Variants in DACH2 observed in about 807,000 individuals in gnomAD.
The protein encoded by DACH2 is dachshund homolog 2.
DACH2 carries 17 observed loss-of-function variants against 35.8 expected under a neutral mutation model. The observed-to-expected ratio is 0.48, with a 90% CI of 0.33 to 0.71. The LOEUF (loss-of-function observed/expected upper bound fraction) is 0.71, where lower values mean the gene tolerates loss of function less well. DACH2 is among the 30% of genes least tolerant of loss of function. The pLI, the probability that DACH2 is intolerant of heterozygous loss-of-function variation, is 0.02. For missense variants in DACH2, 469 were observed against 472.7 expected, an observed-to-expected ratio of 0.99 and a Z score of 0.07; for synonymous variants, 195 against 177.3, an observed-to-expected ratio of 1.10 and a Z score of -0.79.
chrX:86,645,077 A>G (rs2040398694), intron 3 of DACH2, among the ~76,000 whole-genome samples: 1 of 111,422 alleles, frequency 9.0e-6, no homozygotes, highest in African/African-American at 3.3e-5. Flanking sequence ...AGATCTAATT[A>G]AACTTCAAAG....
intron 2 of DACH2, among the ~76,000 whole-genome samples, chrX:86,464,784 T>C (rs1468753668): frequency 8.9e-6 from 1 of 112,076 alleles, no homozygotes; most frequent in East Asian, 2.8e-4. Context: ...AACTTTCAGC[T>C]GCTAAAAACA....
intron 2 of DACH2, among the ~76,000 whole-genome samples, chrX:86,427,522 G>A (rs1043517716): frequency 3.6e-5 from 4 of 110,783 alleles, no homozygotes; most frequent in Admixed American, 9.7e-5. Flanking sequence ...AAGTTGTTCC[G>A]CAATCTCGGA....
At chrX:86,398,941 GT>G (rs1213839815) in intron 2 of DACH2, among the ~76,000 whole-genome samples, 2 of 111,507 alleles carry the variant, frequency 1.8e-5, no homozygotes, top group Non-Finnish European at 3.8e-5. Flanking sequence ...GGATATCCTT[GT>G]TAACTTTCTG....
At chrX:86,761,987 C>T (rs938818103) in intron 7 of DACH2, among the ~76,000 whole-genome samples, 13 of 110,658 alleles carry the variant, frequency 1.2e-4, no homozygotes, top group East Asian at 2.9e-4. Flanking sequence ...GGTCATTGCA[C>T]GGTCTGGTCT....
intron 1 of DACH2, among the ~76,000 whole-genome samples, chrX:86,292,536 C>G (rs1253558562): frequency 9.0e-6 from 1 of 111,221 alleles, no homozygotes; most frequent in East Asian, 2.8e-4. Flanking sequence ...AATTTTGGAT[C>G]TTTCCTGTTT....
In DACH2 at chrX:86,451,946, A is replaced by C. The variant is rs181360588; in HGVS notation, c.528-62333A>C. Among the ~76,000 whole-genome samples the C allele has an allele frequency of 8.1e-3, 896 of 111,298 alleles. 9 individuals carry two copies. The highest frequency in any genetic ancestry group is 0.028 in the African/African-American group (847 of 30,748). The stretch of plus-strand genomic sequence containing the variant: ...TACCGGTTGTAAGGGGAATGCTTTC[A>C]GCTTTTGCTTATATATATGTTATAG... On this transcript the variant is annotated intron_variant, in intron 2 of 11. Coordinates refer to ENST00000373125, the MANE Select transcript of DACH2 (RefSeq NM_053281.3).
chrX:86,519,430 CCCT>C (rs2038519778), intron 3 of DACH2, among the ~76,000 whole-genome samples: 1 of 111,600 alleles, frequency 9.0e-6, no homozygotes, highest in East Asian at 2.8e-4. Context: ...AGGGAGGAGT[CCCT>C]CCTCTTTAAT....
intron 1 of DACH2, among the ~76,000 whole-genome samples, chrX:86,293,152 G>T (rs1334375931): frequency 3.9e-5 from 4 of 102,114 alleles, no homozygotes. Flanking sequence ...AGCTTTTCTT[G>T]TTGAATTGAT....
intron 1 of DACH2, among the ~76,000 whole-genome samples, chrX:86,324,178 A>T (rs948527156): frequency 8.9e-6 from 1 of 111,836 alleles, no homozygotes; most frequent in Non-Finnish European, 1.9e-5. Context: ...ATCTTTTTAC[A>T]CTGTCTATCC....
chrX:86,365,686 T>C (rs1240634171), intron 1 of DACH2, among the ~76,000 whole-genome samples: 3 of 111,505 alleles, frequency 2.7e-5, no homozygotes, highest in Non-Finnish European at 5.7e-5. Flanking sequence ...ATAGTTATAT[T>C]TGAAGTCAAT....
chrX:86,617,861 C>T, intron 3 of DACH2, among the ~76,000 whole-genome samples: 1 of 112,446 alleles, frequency 8.9e-6, no homozygotes, highest in Non-Finnish European at 1.9e-5. Flanking sequence ...TTCACCATCA[C>T]TTAGCAAACT....
Position 86,651,094 on chromosome X carries a change from T to A in DACH2, c.699T>A (p.Ala233=). The A allele has an allele frequency of 3.3e-6, 4 of 1,209,670 alleles. No homozygotes were observed. The highest frequency in any genetic ancestry group is 4.5e-6 in the Non-Finnish European group (4 of 894,255). ...AMKLQKMKLM[A]MNTLQGNGSQ... ...AACTTCAGAAGATGAAGCTTATGGC[T>A]ATGAACACTCTTCAGGGAAATGGAA... Residue 233 remains alanine (A), a synonymous_variant, in exon 4 of 12, where the codon GCT becomes GCA. Coordinates refer to ENST00000373125, the MANE Select transcript of DACH2 (RefSeq NM_053281.3).
At chrX:86,429,208 T>G (rs2036942431) in intron 2 of DACH2, among the ~76,000 whole-genome samples, 1 of 110,540 alleles carries the variant, frequency 9.0e-6, no homozygotes, top group Non-Finnish European at 1.9e-5. Flanking sequence ...ATTTATATTC[T>G]TTTCTGAGAA....
At chrX:86,683,727 A>G (rs1443637468) in intron 4 of DACH2, among the ~76,000 whole-genome samples, 1 of 111,652 alleles carries the variant, frequency 9.0e-6, no homozygotes, top group Non-Finnish European at 1.9e-5. Flanking sequence ...AAAAACTTAA[A>G]TGATAACAGC....
intron 3 of DACH2, among the ~76,000 whole-genome samples, chrX:86,520,351 T>G (rs2038534430): frequency 8.9e-6 from 1 of 111,861 alleles, no homozygotes; most frequent in South Asian, 3.7e-4. Context: ...AAAGTATGTG[T>G]CATGTGGTGG....
intron 3 of DACH2, among the ~76,000 whole-genome samples, chrX:86,586,932 T>G (rs982036979): frequency 1.8e-5 from 2 of 111,761 alleles, no homozygotes; most frequent in Non-Finnish European, 3.8e-5. Context: ...AATTTTAAAA[T>G]AGTTCTTTAA....
chrX:86,509,117 CT>C (rs2057544318), intron 2 of DACH2, among the ~76,000 whole-genome samples: 2 of 111,650 alleles, frequency 1.8e-5, no homozygotes, highest in African/African-American at 6.5e-5. Flanking sequence ...CTTAACTTGC[CT>C]GATACTAACG....
At chrX:86,772,943 G>A (rs962853153) in intron 7 of DACH2, among the ~76,000 whole-genome samples, 20 of 111,626 alleles carry the variant, frequency 1.8e-4, no homozygotes, top group Non-Finnish European at 3.8e-5. Flanking sequence ...TAAGCCCACA[G>A]ACATGGAGCA....
chrX:86,538,878 A>G (rs1201762251), intron 3 of DACH2, among the ~76,000 whole-genome samples: 3 of 111,483 alleles, frequency 2.7e-5, no homozygotes, highest in African/African-American at 9.8e-5. Context: ...GTATCTCTGT[A>G]TGTGAAGGAG....
Sources: gnomAD v4.1 joint callset for allele counts (sites outside exome capture counted in the v4.1 genomes callset) on GRCh38, gnomAD v4.1.1 for gene constraint, MANE v1.5 for transcripts, NCBI Gene and HGNC (gene_info 2026-07-23, HGNC 2026-07-21) for gene names.